The following TMEM74 variants were observed in gnomAD, a reference collection of about 807,000 sequenced individuals.
The protein encoded by TMEM74 is transmembrane protein 74.
A neutral mutation model predicts 18.1 loss-of-function variants in TMEM74; 13 were observed. The observed-to-expected ratio is 0.72, with a 90% CI of 0.47 to 1.14. The LOEUF is 1.14. TMEM74 is among the 50% of genes most tolerant of loss of function. The probability of loss-of-function intolerance (pLI) is 0.00; values close to 1 mark genes in which losing one functional copy is unlikely to be tolerated. For missense variants in TMEM74, 372 were observed against 375.9 expected (o/e 0.99, Z 0.09); for synonymous variants, 159 against 146.6 (o/e 1.08, Z -0.61).
intron 1 of TMEM74, among the ~76,000 whole-genome samples, chr8:108,760,955 CT>C: frequency 6.7e-6 from 1 of 148,264 alleles, no homozygotes; most frequent in African/African-American, 2.5e-5. Flanking sequence ...GTACGGGGTT[CT>C]TTTTAAGTGG....
rs547322442 is a variant in TMEM74 at position 108,694,102 on chromosome 8, C to T, written n.120-38665G>A. Among the ~76,000 whole-genome samples the T allele has an allele frequency of 1.8e-4, 28 of 152,280 alleles. 1 individual carries two copies. In the South Asian group the frequency reaches 5.8e-3, roughly 32 times the overall value. On this transcript the variant is annotated intron_variant and non_coding_transcript_variant, in intron 1 of 3. Transcript: ENST00000518838. ...GTGAAGTCAGGGCTTTTAGCTTATC[C>T]ATCACCTGAACAATATACATTGCAC...
At chr8:108,608,773 A>G (rs1812304605) in exon 3 of TMEM74, 1 of 152,190 alleles carries the variant, frequency 6.6e-6, no homozygotes, top group South Asian at 2.1e-4. Flanking sequence ...GAAACTGTAG[A>G]TAAAGAATCT....
chr8:108,775,426 TCAAA>T (rs1463481405), downstream of TMEM74, among the ~76,000 whole-genome samples: 1 of 152,192 alleles, frequency 6.6e-6, no homozygotes, highest in Non-Finnish European at 1.5e-5. Flanking sequence ...TTATTAAGGC[TCAAA>T]CAGTCTAAGG....
chr8:108,627,879 C>G (rs889422071), intron 2 of TMEM74, among the ~76,000 whole-genome samples: 24 of 152,012 alleles, frequency 1.6e-4, no homozygotes, highest in African/African-American at 5.8e-4. Flanking sequence ...ATGGTGAAAC[C>G]TCGTCTCTTC....
At chr8:108,699,147 T>TCCTTCCTTCCTTCCTA (rs1813310123) in intron 1 of TMEM74, among the ~76,000 whole-genome samples, 1 of 43,194 alleles carries the variant, frequency 2.3e-5, no homozygotes, top group African/African-American at 1.2e-4. Context: ...CTCCCTCTTT[T>TCCTTCCTTCCTTCCTA]CCTTCCTTCC....
At chr8:108,737,108 T>G (rs1813756266) in intron 1 of TMEM74, among the ~76,000 whole-genome samples, 1 of 152,164 alleles carries the variant, frequency 6.6e-6, no homozygotes, top group Admixed American at 6.5e-5. Flanking sequence ...GGCAGGATCA[T>G]GTAGGTGAAA....
At chr8:108,657,856 AAAAAT>A (rs1274048352) in intron 1 of TMEM74, among the ~76,000 whole-genome samples, 3 of 69,818 alleles carry the variant, frequency 4.3e-5, no homozygotes, top group Admixed American at 1.8e-4. Context: ...AAAAAAAAAA[AAAAAT>A]ATATATATAT....
At chr8:108,619,398 G>T (rs1234973344) in intron 2 of TMEM74, among the ~76,000 whole-genome samples, 1 of 152,170 alleles carries the variant, frequency 6.6e-6, no homozygotes. Context: ...GCAAATGCAG[G>T]TGTTGCTTCG....
intron 1 of TMEM74, among the ~76,000 whole-genome samples, chr8:108,682,541 A>G (rs551419879): frequency 1.8e-4 from 28 of 152,214 alleles, no homozygotes; most frequent in African/African-American, 6.0e-4. Flanking sequence ...GTTCATGGCT[A>G]TATCCACAGC....
intron 1 of TMEM74, among the ~76,000 whole-genome samples, chr8:108,767,390 T>C (rs1388991762): frequency 2.0e-5 from 3 of 152,188 alleles, no homozygotes; most frequent in Non-Finnish European, 2.9e-5. Context: ...ACTTGAGCCG[T>C]GGTATCTTAG....
chr8:108,692,837 A>G (rs1813244423), intron 1 of TMEM74, among the ~76,000 whole-genome samples: 1 of 152,240 alleles, frequency 6.6e-6, no homozygotes, highest in Non-Finnish European at 1.5e-5. Flanking sequence ...ATTGCCTGTT[A>G]GTCAAAATGT....
At chr8:108,705,862 T>G (rs1220883727) in intron 1 of TMEM74, among the ~76,000 whole-genome samples, 1 of 152,222 alleles carries the variant, frequency 6.6e-6, no homozygotes, top group Admixed American at 6.5e-5. Flanking sequence ...AACTTACAGT[T>G]TCTAATTAGA....
intron 1 of TMEM74, among the ~76,000 whole-genome samples, chr8:108,773,223 T>C (rs1403334127): frequency 6.6e-6 from 1 of 152,072 alleles, no homozygotes; most frequent in Non-Finnish European, 1.5e-5. Flanking sequence ...CACAGACTTG[T>C]TTCCTTCCAT....
At chr8:108,696,153 A>T (rs954753881) in intron 1 of TMEM74, among the ~76,000 whole-genome samples, 4 of 152,228 alleles carry the variant, frequency 2.6e-5, no homozygotes, top group Non-Finnish European at 5.9e-5. Flanking sequence ...AAGGATGTAG[A>T]TCAATAAACT....
intron 1 of TMEM74, among the ~76,000 whole-genome samples, chr8:108,679,705 C>T (rs1487404667): frequency 6.6e-6 from 1 of 152,098 alleles, no homozygotes; most frequent in Non-Finnish European, 1.5e-5. Flanking sequence ...GTTGTCTGTT[C>T]ACTCTGATGG....
intron 1 of TMEM74, among the ~76,000 whole-genome samples, chr8:108,686,180 G>A (rs902798263): frequency 9.9e-5 from 15 of 152,012 alleles, no homozygotes; most frequent in Admixed American, 8.5e-4. Context: ...CGTAAGTTGG[G>A]AAGTTTTGTT....
chr8:108,757,964 A>G (rs1813996724), intron 1 of TMEM74, among the ~76,000 whole-genome samples: 1 of 152,040 alleles, frequency 6.6e-6, no homozygotes, highest in South Asian at 2.1e-4. Flanking sequence ...GAAATGTTAA[A>G]TTCTTTTGTC....
chr8:108,627,882 G>A (rs1007848888), intron 2 of TMEM74, among the ~76,000 whole-genome samples: 2 of 151,870 alleles, frequency 1.3e-5, no homozygotes, highest in South Asian at 4.2e-4. Flanking sequence ...GTGAAACCTC[G>A]TCTCTTCTAA....
chr8:108,638,224 T>C (rs1221422949), intron 2 of TMEM74, among the ~76,000 whole-genome samples: 1 of 152,166 alleles, frequency 6.6e-6, no homozygotes, highest in Middle Eastern at 3.2e-3. Flanking sequence ...AATTATTAAT[T>C]AAAAATGAGA....
Sources: allele counts gnomAD v4.1 joint callset (sites outside exome capture counted in the v4.1 genomes callset), GRCh38; gene constraint gnomAD v4.1.1; transcripts MANE v1.5; gene names NCBI Gene and HGNC (gene_info 2026-07-23, HGNC 2026-07-21).